Variants in NRXN3 observed in about 807,000 individuals in gnomAD.
NRXN3 encodes the protein neurexin 3, also known as neurexin III.
A neutral mutation model predicts 137.6 loss-of-function variants in NRXN3; 32 were observed. That is an observed-to-expected ratio of 0.23 (90% confidence interval 0.18 to 0.31). The LOEUF is 0.31. Among genes scored for constraint, NRXN3 ranks in the 10% least tolerant of loss-of-function variants. NRXN3 has a pLI of 1.00. For synonymous variants in NRXN3, 798 were observed against 784.5 expected (o/e 1.02, Z -0.29); for missense variants, 1,574 against 2,062.5 (o/e 0.76, Z 4.59).
At chr14:78,218,215 G>A (rs1207708336) in intron 1 of NRXN3, among the ~76,000 whole-genome samples, 1 of 152,026 alleles carries the variant, frequency 6.6e-6, no homozygotes, top group Non-Finnish European at 1.5e-5. Context: ...AAGTTACCTA[G>A]GCGTGGTGGC....
intron 10 of NRXN3, among the ~76,000 whole-genome samples, chr14:78,871,113 T>C (rs1016319395): frequency 6.7e-6 from 1 of 149,048 alleles, no homozygotes; most frequent in African/African-American, 2.5e-5. Flanking sequence ...GGTAGTTCTA[T>C]TTTTAGTTTT....
Position 78,271,477 on chromosome 14 carries a change from A to T in NRXN3, c.710-7168A>T, listed in dbSNP as rs913279472. On this transcript the variant is annotated intron_variant, in intron 2 of 20. Transcript: ENST00000335750. ...TGTTCTCAAAACTTCTAAAGCATTT[A>T]AAAAAAAAAAAAAACAAAAGGGCTG... 1.5e-4 allele frequency among the ~76,000 whole-genome samples: 11 copies of T among 72,480 alleles called. 1 individual carries two copies. The South Asian group carries it at 1.9e-3, about 12-fold the overall frequency. 47.5% of individuals were successfully genotyped at this position (72,480 alleles called of 152,430 possible).
chr14:79,293,232 A>G (rs890152938), intron 15 of NRXN3, among the ~76,000 whole-genome samples: 1 of 152,144 alleles, frequency 6.6e-6, no homozygotes, highest in Admixed American at 6.5e-5. Context: ...GTAACTTGAT[A>G]TTGGTCCCTG....
At chr14:79,248,365 A>C (rs977946577) in intron 15 of NRXN3, among the ~76,000 whole-genome samples, 2 of 152,102 alleles carry the variant, frequency 1.3e-5, no homozygotes, top group African/African-American at 4.8e-5. Context: ...GACTTTGCCC[A>C]TGCTGGGTCC....
intron 6 of NRXN3, among the ~76,000 whole-genome samples, chr14:78,662,846 A>T (rs1207650720): frequency 6.6e-6 from 1 of 152,192 alleles, no homozygotes; most frequent in South Asian, 2.1e-4. Flanking sequence ...TTACTCACTT[A>T]CAAGAATTTA....
At chr14:79,438,504 T>C (rs996899506) in intron 15 of NRXN3, among the ~76,000 whole-genome samples, 3 of 152,120 alleles carry the variant, frequency 2.0e-5, no homozygotes, top group African/African-American at 7.2e-5. Flanking sequence ...TTTCTGTCAC[T>C]GATGTTTGTC....
intron 1 of NRXN3, among the ~76,000 whole-genome samples, chr14:78,232,070 C>G (rs2065490712): frequency 1.3e-5 from 2 of 152,246 alleles, no homozygotes; most frequent in African/African-American, 4.8e-5. Context: ...CCCCTGCTTC[C>G]TGCCCCCTGG....
intron 19 of NRXN3, among the ~76,000 whole-genome samples, chr14:79,803,834 C>T (rs956810169): frequency 6.6e-6 from 1 of 151,170 alleles, no homozygotes; most frequent in African/African-American, 2.4e-5. Flanking sequence ...TAATAGTCAT[C>T]CCTGTCCCAA....
chr14:79,622,650 G>C (rs1428844492), intron 16 of NRXN3, among the ~76,000 whole-genome samples: 2 of 152,170 alleles, frequency 1.3e-5, no homozygotes, highest in Non-Finnish European at 2.9e-5. Context: ...AGGCTGGAGT[G>C]TAATGGCGCA....
chr14:78,174,378 G>T (rs2059061533), intron 1 of NRXN3, among the ~76,000 whole-genome samples: 1 of 152,096 alleles, frequency 6.6e-6, no homozygotes. Flanking sequence ...AGAGGGCACT[G>T]CAGAATATCC....
At chr14:78,198,643 T>TA (rs2061427239) in intron 1 of NRXN3, among the ~76,000 whole-genome samples, 1 of 152,218 alleles carries the variant, frequency 6.6e-6, no homozygotes, top group Non-Finnish European at 1.5e-5. Context: ...CCATTCCTTA[T>TA]ATATGCACAA....
intron 16 of NRXN3, among the ~76,000 whole-genome samples, chr14:79,568,827 A>G (rs1039333440): frequency 1.3e-5 from 2 of 152,206 alleles, no homozygotes; most frequent in African/African-American, 4.8e-5. Context: ...TTTAGTCCCA[A>G]GCACCATTTG....
intron 10 of NRXN3, among the ~76,000 whole-genome samples, chr14:78,938,842 A>ATTTTTTTTTTTTTTT (rs1312407059): frequency 1.5e-5 from 2 of 134,366 alleles, no homozygotes; most frequent in African/African-American, 3.0e-5. Flanking sequence ...GTCCAGAGTG[A>ATTTTTTTTTTTTTTT]TTTTTCTTTT....
At chr14:79,049,080 A>T (rs1358254062) in intron 15 of NRXN3, among the ~76,000 whole-genome samples, 2 of 74,408 alleles carry the variant, frequency 2.7e-5, no homozygotes, top group Non-Finnish European at 5.2e-5. Context: ...AAAAATAATA[A>T]TAATAATAAT....
intron 4 of NRXN3, among the ~76,000 whole-genome samples, chr14:78,507,517 A>G (rs187401661): frequency 4.3e-4 from 65 of 152,300 alleles, no homozygotes; most frequent in Middle Eastern, 3.4e-3. Flanking sequence ...CTCTCCTTTG[A>G]TTAGCATGAG....
At chr14:79,764,294 T>G (rs2139525655) in intron 19 of NRXN3, among the ~76,000 whole-genome samples, 1 of 152,178 alleles carries the variant, frequency 6.6e-6, no homozygotes, top group South Asian at 2.1e-4. Context: ...TTCATCCAGG[T>G]AAAGCTGAGG....
At chr14:78,945,973 G>A (rs762278667) in intron 10 of NRXN3, among the ~76,000 whole-genome samples, 1 of 152,166 alleles carries the variant, frequency 6.6e-6, no homozygotes, top group Non-Finnish European at 1.5e-5. Flanking sequence ...AGCACATAAG[G>A]CAAAATGCCT....
chr14:78,284,905 TCAC>T (rs1377908293), intron 3 of NRXN3, among the ~76,000 whole-genome samples: 1 of 152,188 alleles, frequency 6.6e-6, no homozygotes, highest in Non-Finnish European at 1.5e-5. Flanking sequence ...ACCTACCACT[TCAC>T]CAATGAAGAA....
chr14:78,391,290 A>T (rs545870298), intron 4 of NRXN3, among the ~76,000 whole-genome samples: 13 of 152,290 alleles, frequency 8.5e-5, no homozygotes, highest in African/African-American at 3.1e-4. Context: ...AGGAGGTATG[A>T]GCTCATGAAA....
Sources: allele counts gnomAD v4.1 joint callset (sites outside exome capture counted in the v4.1 genomes callset), GRCh38; gene constraint gnomAD v4.1.1; transcripts MANE v1.5; gene names NCBI Gene and HGNC (gene_info 2026-07-23, HGNC 2026-07-21).